The following RUNX1T1 variants were observed in gnomAD, a reference collection of about 807,000 sequenced individuals.
The protein encoded by RUNX1T1 is RUNX1 partner transcriptional co-repressor 1.
Under a neutral mutation model 62.8 loss-of-function variants are expected in RUNX1T1, and 4 were observed. That is an observed-to-expected ratio of 0.06 (90% CI 0.03 to 0.15). RUNX1T1 has a LOEUF of 0.15. Ranked by LOEUF, RUNX1T1 falls within the 10% of genes least tolerant of loss-of-function variation. The pLI, the probability that RUNX1T1 is intolerant of heterozygous loss-of-function variation, is 1.00. For synonymous variants in RUNX1T1, 291 were observed against 286.0 expected, an observed-to-expected ratio of 1.02 and a Z score of -0.18; for missense variants, 508 against 754.3, an observed-to-expected ratio of 0.67 and a Z score of 3.82.
upstream of RUNX1T1, among the ~76,000 whole-genome samples, chr8:92,101,466 A>G (rs1005652788): frequency 6.6e-6 from 1 of 152,066 alleles, no homozygotes; most frequent in African/African-American, 2.4e-5. Flanking sequence ...AATCCTAGCT[A>G]TTCCTTAAAG....
chr8:91,961,835 C>G (rs1810517155), intron 10 of RUNX1T1, among the ~76,000 whole-genome samples: 2 of 152,188 alleles, frequency 1.3e-5, no homozygotes, highest in Admixed American at 1.3e-4. Flanking sequence ...CCTTGAAAAA[C>G]AAACTTCTGA....
upstream of RUNX1T1, among the ~76,000 whole-genome samples, chr8:92,066,140 T>C (rs563825294): frequency 2.0e-5 from 3 of 152,352 alleles, no homozygotes; most frequent in South Asian, 6.2e-4. Flanking sequence ...AGGCTTATTC[T>C]GACTTTTTAT....
intron 1 of RUNX1T1, among the ~76,000 whole-genome samples, chr8:92,032,425 A>G (rs963844941): frequency 4.6e-5 from 7 of 152,188 alleles, no homozygotes; most frequent in Admixed American, 1.3e-4. Flanking sequence ...ATGTAAGTGC[A>G]TATTTATTTA....
At chr8:91,976,037 C>T (rs902292009) in intron 8 of RUNX1T1, 64 bp from the exon 10 acceptor site, 25 of 1,176,760 alleles carry the variant, frequency 2.1e-5, no homozygotes, top group South Asian at 1.2e-4. Context: ...CTTGTGTCAT[C>T]GCACAGAGTG....
chr8:91,988,623 T>A (rs1817041596), intron 6 of RUNX1T1, among the ~76,000 whole-genome samples: 1 of 152,052 alleles, frequency 6.6e-6, no homozygotes, highest in Non-Finnish European at 1.5e-5. Flanking sequence ...ATATTTGCCT[T>A]TAAGGACAAG....
At chr8:92,039,677 A>G (rs1415162996) in intron 1 of RUNX1T1, among the ~76,000 whole-genome samples, 1 of 152,200 alleles carries the variant, frequency 6.6e-6, no homozygotes, top group Non-Finnish European at 1.5e-5. Flanking sequence ...TAACATTTCA[A>G]AGTGAACTCA....
intron 1 of RUNX1T1, among the ~76,000 whole-genome samples, chr8:92,091,473 G>A (rs372223887): frequency 6.6e-6 from 1 of 152,170 alleles, no homozygotes; most frequent in East Asian, 1.9e-4. Context: ...GTAAGAGCCT[G>A]GACATGATTT....
At chr8:92,095,050 G>C in intron 1 of RUNX1T1, 1 of 1,535,526 alleles carries the variant, frequency 6.5e-7, no homozygotes, top group Non-Finnish European at 8.7e-7. Flanking sequence ...TGTCTGGATA[G>C]CAGAGGTGAT....
chr8:92,102,887 G>A (rs1373561987), upstream of RUNX1T1: 1 of 1,520,560 alleles, frequency 6.6e-7, no homozygotes, highest in Non-Finnish European at 8.8e-7. The surrounding 1 kb of genome is among the most constrained non-coding windows in gnomAD (Gnocchi z 4.5). Flanking sequence ...CCCACCATCC[G>A]CCACAGGCTC....
chr8:92,054,456 C>A (rs1001866593), intron 1 of RUNX1T1, among the ~76,000 whole-genome samples: 4 of 152,090 alleles, frequency 2.6e-5, no homozygotes, highest in Non-Finnish European at 4.4e-5. Flanking sequence ...GGTTTAATAA[C>A]CTCTTTATAC....
chr8:92,053,152 T>C (rs1469308049), intron 1 of RUNX1T1, among the ~76,000 whole-genome samples: 1 of 152,004 alleles, frequency 6.6e-6, no homozygotes, highest in Non-Finnish European at 1.5e-5. Flanking sequence ...AAAGAAAATA[T>C]ATATTATATA....
intron 7 of RUNX1T1, among the ~76,000 whole-genome samples, chr8:91,986,553 C>CA: frequency 6.6e-6 from 1 of 152,272 alleles, no homozygotes; most frequent in African/African-American, 2.4e-5. Flanking sequence ...AGGGAAATTT[C>CA]ACCTGAAGGC....
chr8:92,079,123 T>C (rs1834859548), intron 1 of RUNX1T1, among the ~76,000 whole-genome samples: 1 of 152,218 alleles, frequency 6.6e-6, no homozygotes, highest in African/African-American at 2.4e-5. Flanking sequence ...GGGCACTTTT[T>C]CCTTTAGTAA....
intron 1 of RUNX1T1, among the ~76,000 whole-genome samples, chr8:92,052,690 AC>A (rs1733692023): frequency 6.6e-6 from 1 of 152,138 alleles, no homozygotes; most frequent in Non-Finnish European, 1.5e-5. Flanking sequence ...GTTCAAACAC[AC>A]GTTACTGGGT....
At chr8:91,956,970 TAAA>T (rs376835776), downstream of RUNX1T1, 14 of 104,332 alleles carry the variant, frequency 1.3e-4, no homozygotes, top group African/African-American at 2.0e-4. Context: ...CACCTACACA[TAAA>T]AAAAAAAAAA....
chr8:92,095,288 C>T, intron 1 of RUNX1T1: 3 of 1,518,424 alleles, frequency 2.0e-6, no homozygotes, highest in Non-Finnish European at 2.6e-6. Context: ...CGCCCCCCTT[C>T]CTCCTGGCCA....
At chr8:92,051,737 G>A (rs1206791143) in intron 1 of RUNX1T1, among the ~76,000 whole-genome samples, 1 of 152,030 alleles carries the variant, frequency 6.6e-6, no homozygotes, top group Non-Finnish European at 1.5e-5. Flanking sequence ...AAGAGAGGAT[G>A]CCTCAATTGG....
intron 8 of RUNX1T1, among the ~76,000 whole-genome samples, chr8:91,980,865 TCTCA>T (rs1287047748): frequency 6.6e-6 from 1 of 151,922 alleles, no homozygotes; most frequent in Non-Finnish European, 1.5e-5. Flanking sequence ...AGAGATGGGG[TCTCA>T]CTATGTTTTC....
intron 5 of RUNX1T1, among the ~76,000 whole-genome samples, chr8:92,000,084 T>C (rs903817429): frequency 6.6e-6 from 1 of 152,128 alleles, no homozygotes; most frequent in Non-Finnish European, 1.5e-5. Context: ...GATGGGTGGA[T>C]CACCTGAGGT....
Sources: allele counts gnomAD v4.1 joint callset (sites outside exome capture counted in the v4.1 genomes callset), GRCh38; gene constraint gnomAD v4.1.1; non-coding constraint Gnocchi (gnomAD v3.1); transcripts MANE v1.5; gene names NCBI Gene and HGNC (gene_info 2026-07-23, HGNC 2026-07-21).